Variants in TEX9 observed in about 807,000 individuals in gnomAD.
The protein encoded by TEX9 is testis expressed 9.
TEX9 carries 74 observed loss-of-function variants against 59.6 expected under a neutral mutation model. The observed-to-expected ratio is 1.24, with a 90% CI of 1.03 to 1.51. The LOEUF is 1.51. Ranked by LOEUF, TEX9 falls within the 40% of genes most tolerant of loss-of-function variation. The pLI, the probability that TEX9 is intolerant of heterozygous loss-of-function variation, is 0.00. For synonymous variants in TEX9, 186 were observed against 152.2 expected (o/e 1.22, Z -1.64); for missense variants, 522 against 447.8 (o/e 1.17, Z -1.49).
intron 1 of TEX9, among the ~76,000 whole-genome samples, chr15:56,249,742 CAAA>C (rs11440856): frequency 2.7e-4 from 7 of 25,474 alleles, no homozygotes; most frequent in South Asian, 3.8e-3. Context: ...GGATCTGTCT[CAAA>C]AAAAAAAAAA....
intron 12 of TEX9, among the ~76,000 whole-genome samples, chr15:56,442,841 A>G (rs567073974): frequency 2.0e-4 from 31 of 152,148 alleles, no homozygotes; most frequent in African/African-American, 7.5e-4. Flanking sequence ...CATGACCCAC[A>G]AATTTACCCC....
At chr15:56,253,382 C>G (rs1374841159) in intron 1 of TEX9, among the ~76,000 whole-genome samples, 1 of 152,026 alleles carries the variant, frequency 6.6e-6, no homozygotes, top group Non-Finnish European at 1.5e-5. Context: ...GACTTTAACC[C>G]CCTCCAAATA....
intron 7 of TEX9, among the ~76,000 whole-genome samples, chr15:56,393,315 C>T (rs2048304794): frequency 6.6e-6 from 1 of 152,072 alleles, no homozygotes; most frequent in South Asian, 2.1e-4. Context: ...AGGGTTAGAG[C>T]CAACCATAAT....
At chr15:56,452,406 G>A in the TEX9 span, among the ~76,000 whole-genome samples, 1 of 152,100 alleles carries the variant, frequency 6.6e-6, no homozygotes, top group Non-Finnish European at 1.5e-5. Context: ...AGTGCTCTGG[G>A]TTCTTATTGG....
At chr15:56,246,791 A>G (rs1357035656) in intron 1 of TEX9, among the ~76,000 whole-genome samples, 1 of 152,204 alleles carries the variant, frequency 6.6e-6, no homozygotes, top group Non-Finnish European at 1.5e-5. Flanking sequence ...GAAAATTTTG[A>G]GGAACACTGA....
rs2050414870 is a variant in TEX9, at chr15:56,428,246, C to T, written c.1099-121C>T. 3 of 679,102 alleles carry T rather than the reference C, an allele frequency of 4.4e-6. No individual in the cohort carries two copies. In the East Asian group the frequency reaches 8.1e-5, roughly 18 times the overall value. 42.1% of individuals were successfully genotyped at this position (679,102 alleles called of 1,614,324 possible). A position where few individuals can be genotyped will look rare whatever the true frequency, so the allele number is the denominator to read the frequency against. Reference sequence around the variant, plus strand: ...CATGCTTATTGGAATTAAGAGTATACATTCCTACAACAGAACTTATATTCT... The same window carrying T: ...CATGCTTATTGGAATTAAGAGTATATATTCCTACAACAGAACTTATATTCT... On this transcript the variant is annotated intron_variant, in intron 11 of 12. Transcript: ENST00000352903.
chr15:56,430,671 C>A (rs1180906568), intron 12 of TEX9, among the ~76,000 whole-genome samples: 3 of 152,116 alleles, frequency 2.0e-5, no homozygotes, highest in African/African-American at 7.2e-5. Flanking sequence ...TTACCAGTGA[C>A]AATGTTTTCA....
intron 10 of TEX9, among the ~76,000 whole-genome samples, chr15:56,413,178 T>A (rs1404289325): frequency 8.5e-6 from 1 of 118,182 alleles, no homozygotes; most frequent in Non-Finnish European, 1.7e-5. Flanking sequence ...AATTTTTAAA[T>A]TCTATTTAAT....
chr15:56,363,873 G>C (rs1389931417), upstream of TEX9, among the ~76,000 whole-genome samples: 1 of 149,764 alleles, frequency 6.7e-6, no homozygotes, highest in Non-Finnish European at 1.5e-5. Context: ...TGTAGAGATG[G>C]AGTCTTGCTG....
chr15:56,250,800 C>G (rs893728765), intron 1 of TEX9, among the ~76,000 whole-genome samples: 3 of 152,036 alleles, frequency 2.0e-5, no homozygotes, highest in Admixed American at 1.3e-4. Flanking sequence ...GCTCTTAAGA[C>G]CTTTCACCTG....
chr15:56,394,624 ATAT>A, intron 8 of TEX9, 34 bp from the exon 9 acceptor site: 1 of 1,394,522 alleles, frequency 7.2e-7, no homozygotes, highest in Non-Finnish European at 9.8e-7. Flanking sequence ...CAAATCTTAC[ATAT>A]TTTTTCACAT....
intron 1 of TEX9, among the ~76,000 whole-genome samples, chr15:56,316,680 A>G (rs1344068337): frequency 6.6e-6 from 1 of 152,138 alleles, no homozygotes; most frequent in Non-Finnish European, 1.5e-5. Flanking sequence ...GGCTCCACCC[A>G]GTTGGAGCTT....
intron 3 of TEX9, among the ~76,000 whole-genome samples, chr15:56,379,733 C>A (rs1306282392): frequency 1.3e-5 from 2 of 152,152 alleles, no homozygotes; most frequent in African/African-American, 4.8e-5. Flanking sequence ...GTGTTGCATG[C>A]ATTTATATGC....
At chr15:56,383,559 T>G (rs1400060779) in intron 3 of TEX9, among the ~76,000 whole-genome samples, 3 of 152,222 alleles carry the variant, frequency 2.0e-5, no homozygotes, top group Non-Finnish European at 4.4e-5. Flanking sequence ...CTTCTCAACA[T>G]TGAAGTTTTT....
intron 1 of TEX9, among the ~76,000 whole-genome samples, chr15:56,346,561 C>T (rs1405583485): frequency 6.6e-6 from 1 of 152,160 alleles, no homozygotes; most frequent in Non-Finnish European, 1.5e-5. Context: ...AGTCTTCTAA[C>T]CCATTTCTCT....
At chr15:56,375,689 T>G (rs1567107251) in intron 3 of TEX9, among the ~76,000 whole-genome samples, 2 of 152,218 alleles carry the variant, frequency 1.3e-5, no homozygotes, top group African/African-American at 4.8e-5. Context: ...AATTAATTTT[T>G]GTATAAGGTG....
chr15:56,409,869 G>C (rs1424135221), intron 9 of TEX9: 5 of 152,148 alleles, frequency 3.3e-5, no homozygotes, highest in Non-Finnish European at 7.3e-5. Flanking sequence ...ATTTTAAATA[G>C]TTTTACCCTT....
intron 1 of TEX9, among the ~76,000 whole-genome samples, chr15:56,245,576 T>C (rs1287459074): frequency 2.8e-4 from 43 of 152,226 alleles, no homozygotes; most frequent in Admixed American, 2.6e-3. Flanking sequence ...TGGTGTGCAC[T>C]AGACAGAAGC....
At chr15:56,456,263 A>G in the TEX9 span, 1 of 753,822 alleles carries the variant, frequency 1.3e-6, no homozygotes, top group East Asian at 3.1e-5. Context: ...TTAAAGCAAT[A>G]AGTATTTCCA....
Sources: gnomAD v4.1 joint callset for allele counts (sites outside exome capture counted in the v4.1 genomes callset) on GRCh38, gnomAD v4.1.1 for gene constraint, MANE v1.5 for transcripts, NCBI Gene and HGNC (gene_info 2026-07-23, HGNC 2026-07-21) for gene names.